The following NDUFA10 variants were observed in gnomAD, a reference collection of about 807,000 sequenced individuals.
NDUFA10 encodes the protein NADH dehydrogenase [ubiquinone] 1 alpha subcomplex subunit 10, mitochondrial.
A neutral mutation model predicts 47.8 loss-of-function variants in NDUFA10; 40 were observed. The ratio of observed to expected loss-of-function variants is 0.84; its 90% CI spans 0.65 to 1.09. The LOEUF (loss-of-function observed/expected upper bound fraction) is 1.09, where lower values mean the gene tolerates loss of function less well. NDUFA10 is among the 50% of genes least tolerant of loss of function. The pLI is 0.00. For synonymous variants in NDUFA10, 183 were observed against 172.2 expected, an observed-to-expected ratio of 1.06 and a Z score of -0.49; for missense variants, 413 against 451.1, an observed-to-expected ratio of 0.92 and a Z score of 0.76.
At chr2:239,954,233 G>A (rs968858657), downstream of NDUFA10, among the ~76,000 whole-genome samples, 1 of 147,210 alleles carries the variant, frequency 6.8e-6, no homozygotes, top group East Asian at 2.0e-4. Context: ...GACTGTGAGA[G>A]TGGGTTCCCC....
At chr2:239,976,799 G>A (rs1264610699) in intron 9 of NDUFA10, among the ~76,000 whole-genome samples, 1 of 152,200 alleles carries the variant, frequency 6.6e-6, no homozygotes, top group African/African-American at 2.4e-5. Flanking sequence ...CTGTGGCAGA[G>A]GCTGAGAGCG....
chr2:239,962,010 CAA>C (rs1694872131), intron 9 of NDUFA10, among the ~76,000 whole-genome samples: 2 of 152,202 alleles, frequency 1.3e-5, no homozygotes, highest in African/African-American at 4.8e-5. Flanking sequence ...CCTGCCAGCA[CAA>C]AGACGCCTGT....
chr2:240,024,089 C>G (rs1161217842), intron 1 of NDUFA10, among the ~76,000 whole-genome samples: 3 of 152,336 alleles, frequency 2.0e-5, no homozygotes, highest in African/African-American at 7.2e-5. Context: ...TCTTAGAAAA[C>G]TAGTCTTACT....
At chr2:239,899,691 C>T (rs761097796) in intron 4 of NDUFA10, among the ~76,000 whole-genome samples, 3 of 152,114 alleles carry the variant, frequency 2.0e-5, no homozygotes, top group Non-Finnish European at 4.4e-5. Context: ...CCACCCTGCA[C>T]ATCCCTGAGG....
intron 4 of NDUFA10, among the ~76,000 whole-genome samples, chr2:240,017,035 C>T (rs1697379292): frequency 6.6e-6 from 1 of 152,206 alleles, no homozygotes; most frequent in Non-Finnish European, 1.5e-5. Flanking sequence ...GCAACTCCCA[C>T]TGCCCAGTGC....
intron 9 of NDUFA10, among the ~76,000 whole-genome samples, chr2:239,982,913 G>C (rs1385039430): frequency 6.6e-6 from 1 of 152,196 alleles, no homozygotes; most frequent in Non-Finnish European, 1.5e-5. Flanking sequence ...CTGTCGGGTG[G>C]CCAGATAAAA....
At chr2:239,957,138 T>C (rs1322594773), downstream of NDUFA10, among the ~76,000 whole-genome samples, 1 of 152,190 alleles carries the variant, frequency 6.6e-6, no homozygotes, top group Admixed American at 6.5e-5. Context: ...AGCTTTCAGA[T>C]TCTGCACATG....
chr2:239,992,298 G>A (rs751230853), intron 8 of NDUFA10, among the ~76,000 whole-genome samples: 1 of 152,158 alleles, frequency 6.6e-6, no homozygotes, highest in African/African-American at 2.4e-5. Context: ...ACTAGAGCTT[G>A]GTTACAATAT....
At chr2:239,924,849 G>A (rs1480334737) in intron 4 of NDUFA10, among the ~76,000 whole-genome samples, 5 of 152,064 alleles carry the variant, frequency 3.3e-5, no homozygotes, top group Admixed American at 3.3e-4. Flanking sequence ...ACTAATGCGT[G>A]TTCATCAAGG....
At chr2:240,022,108 C>A (rs1697647079) in intron 2 of NDUFA10, 64 bp downstream of exon 2, 1 of 1,438,430 alleles carries the variant, frequency 7.0e-7, no homozygotes, top group South Asian at 1.3e-5. Context: ...TGAAGAAAAA[C>A]CAGTGAAATA....
intron 2 of NDUFA10, 95 bp from the exon 3 acceptor site, chr2:240,021,507 T>A: frequency 9.0e-7 from 1 of 1,117,132 alleles, no homozygotes; most frequent in Non-Finnish European, 1.3e-6. Flanking sequence ...CCCGCCCGAA[T>A]CTCACCGCCA....
At chr2:239,931,548 G>A (rs993361496) in intron 4 of NDUFA10, among the ~76,000 whole-genome samples, 6 of 152,126 alleles carry the variant, frequency 3.9e-5, no homozygotes, top group South Asian at 2.1e-4. Flanking sequence ...TCGCCACAGC[G>A]TCTTTCCCCC....
intron 7 of NDUFA10, among the ~76,000 whole-genome samples, chr2:240,007,083 A>C (rs1696975321): frequency 6.6e-6 from 1 of 152,226 alleles, no homozygotes. Context: ...GGATGACCCA[A>C]GATTCTGTGA....
At chr2:239,965,780 T>C (rs920109436) in intron 9 of NDUFA10, among the ~76,000 whole-genome samples, 1 of 152,136 alleles carries the variant, frequency 6.6e-6, no homozygotes, top group African/African-American at 2.4e-5. Context: ...CAAGAATCCT[T>C]AAGGAGCAAA....
rs962254075 is a variant in NDUFA10, at chr2:240,016,277, G to A, written c.548-1417C>T. Among the ~76,000 whole-genome samples, 2 of 152,116 alleles carry A rather than the reference G, an allele frequency of 1.3e-5. No homozygotes were observed. Among genetic ancestry groups the A allele is most frequent in the Admixed American group, 6.5e-5 (1 of 15,288 alleles). On this transcript the variant is annotated intron_variant, in intron 4 of 9. Coordinates refer to ENST00000252711, the MANE Select transcript of NDUFA10 (RefSeq NM_004544.4). The surrounding 1 kb of genome is among the most constrained non-coding windows in gnomAD (Gnocchi z 4.4). ...AAACCCGCAGCCAGGCAGAGCACAC[G>A]GGACCTCGGGTCTGCTTCCTGACTG...
At chr2:239,955,717 C>A (rs958557676), downstream of NDUFA10, among the ~76,000 whole-genome samples, 12 of 152,150 alleles carry the variant, frequency 7.9e-5, no homozygotes, top group African/African-American at 2.9e-4. Context: ...AAAGATAGGG[C>A]AGGCCCAAGG....
At chr2:239,936,711 G>A (rs1280414904) in intron 4 of NDUFA10, among the ~76,000 whole-genome samples, 1 of 152,204 alleles carries the variant, frequency 6.6e-6, no homozygotes, top group Admixed American at 6.5e-5. Context: ...CCAGCACTTT[G>A]GGAGGCCCAG....
intron 4 of NDUFA10, among the ~76,000 whole-genome samples, chr2:239,920,687 C>T (rs1396638636): frequency 3.3e-5 from 5 of 152,208 alleles, no homozygotes; most frequent in Admixed American, 6.5e-5. Context: ...AAGGAAGGGA[C>T]GTGGCCTTTA....
intron 1 of NDUFA10, among the ~76,000 whole-genome samples, chr2:240,023,008 A>C (rs1013172230): frequency 6.6e-6 from 1 of 151,970 alleles, no homozygotes; most frequent in Non-Finnish European, 1.5e-5. Context: ...AACTGTTCAG[A>C]CTCTCTGGAC....
Sources: allele counts gnomAD v4.1 joint callset (sites outside exome capture counted in the v4.1 genomes callset), GRCh38; gene constraint gnomAD v4.1.1; non-coding constraint Gnocchi (gnomAD v3.1); transcripts MANE v1.5; gene names NCBI Gene and HGNC (gene_info 2026-07-23, HGNC 2026-07-21).